WWP1: variants seen among roughly 807,000 people sequenced by gnomAD.
The protein encoded by WWP1 is WW domain containing E3 ubiquitin protein ligase 1.
WWP1 carries 49 observed loss-of-function variants against 130.6 expected under a neutral mutation model. The ratio of observed to expected loss-of-function variants is 0.38; its 90% CI spans 0.30 to 0.48. The LOEUF (loss-of-function observed/expected upper bound fraction) is 0.48. WWP1 is among the 20% of genes least tolerant of loss of function. The probability of loss-of-function intolerance (pLI) is 0.99; values close to 1 mark genes in which losing one functional copy is unlikely to be tolerated. For missense variants in WWP1, 809 were observed against 1,100.6 expected, an observed-to-expected ratio of 0.74 and a Z score of 3.75; for synonymous variants, 332 against 367.8, an observed-to-expected ratio of 0.90 and a Z score of 1.11.
At chr8:86,371,385 A>C (rs377285409) in intron 2 of WWP1, among the ~76,000 whole-genome samples, 7 of 152,348 alleles carry the variant, frequency 4.6e-5, no homozygotes, top group African/African-American at 1.4e-4. Flanking sequence ...AAGGGCATAC[A>C]AATGTTTAGC....
At chr8:86,441,661 A>T (rs1456601187) in intron 17 of WWP1, among the ~76,000 whole-genome samples, 1 of 152,182 alleles carries the variant, frequency 6.6e-6, no homozygotes, top group East Asian at 1.9e-4. Context: ...ACTCTGTTTC[A>T]CTATGGTGTC....
At chr8:86,418,615 T>C (rs527464905) in intron 9 of WWP1, among the ~76,000 whole-genome samples, 22 of 152,286 alleles carry the variant, frequency 1.4e-4, no homozygotes, top group Admixed American at 1.2e-3. Context: ...AAGATGACAC[T>C]GTAAATGGCA....
chr8:86,354,551 C>T (rs1167212270), intron 1 of WWP1, among the ~76,000 whole-genome samples: 1 of 151,932 alleles, frequency 6.6e-6, no homozygotes, highest in Admixed American at 6.6e-5. Context: ...AAAGTTTATC[C>T]TTTATGGCAT....
chr8:86,356,326 T>A (rs1005505450), intron 1 of WWP1, among the ~76,000 whole-genome samples: 1 of 152,104 alleles, frequency 6.6e-6, no homozygotes, highest in African/African-American at 2.4e-5. Flanking sequence ...CAAGTTTTAA[T>A]GTTCTTAGAA....
intron 1 of WWP1, among the ~76,000 whole-genome samples, chr8:86,344,722 C>T (rs1822466155): frequency 6.6e-6 from 1 of 152,098 alleles, no homozygotes; most frequent in South Asian, 2.1e-4. Flanking sequence ...ACGATTATGA[C>T]TTTGGATAGG....
At chr8:86,433,093 T>A (rs1810077918) in intron 14 of WWP1, among the ~76,000 whole-genome samples, 1 of 152,184 alleles carries the variant, frequency 6.6e-6, no homozygotes, top group Non-Finnish European at 1.5e-5. Context: ...CTGATTTGAC[T>A]TACCAGGAAC....
chr8:86,466,425 G>A (rs72690411), intron 24 of WWP1, among the ~76,000 whole-genome samples: 8,255 of 151,810 alleles, frequency 0.054, 316 homozygotes, highest in Non-Finnish European at 0.086. Flanking sequence ...AAAAATTCTC[G>A]GTAAATGACT....
At chr8:86,348,824 A>T (rs1351261652) in intron 1 of WWP1, among the ~76,000 whole-genome samples, 12 of 152,232 alleles carry the variant, frequency 7.9e-5, no homozygotes, top group African/African-American at 2.4e-4. Flanking sequence ...CTGTGTAGCA[A>T]ACAGCCCTAA....
intron 21 of WWP1, 51 bp downstream of exon 21, chr8:86,452,730 C>G: frequency 6.3e-7 from 1 of 1,595,464 alleles, no homozygotes; most frequent in Non-Finnish European, 8.5e-7. Flanking sequence ...GGGGGAGGGA[C>G]TAATTTAGTG....
At chr8:86,375,412 C>A (rs368889565) in intron 3 of WWP1, among the ~76,000 whole-genome samples, 2 of 152,116 alleles carry the variant, frequency 1.3e-5, no homozygotes, top group African/African-American at 4.8e-5. Context: ...TTTCCCACTT[C>A]TCTCCCTTGC....
chr8:86,376,197 G>T (rs769122929), intron 3 of WWP1, among the ~76,000 whole-genome samples: 1 of 152,156 alleles, frequency 6.6e-6, no homozygotes, highest in Non-Finnish European at 1.5e-5. Context: ...TGTAACTTGC[G>T]TAGGACCAAT....
intron 14 of WWP1, 102 bp downstream of exon 14, chr8:86,431,845 G>T: frequency 6.6e-7 from 1 of 1,508,184 alleles, no homozygotes. Context: ...TTACTTTTTG[G>T]TTCAAGAAAA....
chr8:86,375,884 C>CTGTA (rs1563477388), intron 3 of WWP1, among the ~76,000 whole-genome samples: 2 of 152,294 alleles, frequency 1.3e-5, no homozygotes, highest in East Asian at 3.9e-4. Flanking sequence ...TCTACACCAG[C>CTGTA]TATACATGAC....
At chr8:86,376,862 C>T (rs911760674) in intron 3 of WWP1, among the ~76,000 whole-genome samples, 1 of 152,144 alleles carries the variant, frequency 6.6e-6, no homozygotes. Context: ...TTGTCTTTGT[C>T]TTCCGTTTTG....
At chr8:86,391,055 G>A (rs1030938034) in intron 5 of WWP1, among the ~76,000 whole-genome samples, 1 of 151,750 alleles carries the variant, frequency 6.6e-6, no homozygotes, top group African/African-American at 2.4e-5. Context: ...TGTTATTACA[G>A]CCATAAATAA....
intron 8 of WWP1, among the ~76,000 whole-genome samples, chr8:86,408,190 A>T (rs1459084349): frequency 1.3e-5 from 2 of 152,156 alleles, no homozygotes. Flanking sequence ...AGCAAGGTGC[A>T]TTTAAGGTTT....
chr8:86,460,418 A>G (rs1226992962), intron 22 of WWP1, among the ~76,000 whole-genome samples: 1 of 151,712 alleles, frequency 6.6e-6, no homozygotes, highest in Admixed American at 6.6e-5. Flanking sequence ...AATCATTTAA[A>G]CTCTCTAGGC....
chr8:86,461,373 G>T, intron 23 of WWP1, 53 bp downstream of exon 23: 8 of 1,449,280 alleles, frequency 5.5e-6, no homozygotes, highest in South Asian at 3.4e-5. Flanking sequence ...GATAATAATG[G>T]CCTTTGGACA....
rs182116309 is a variant in WWP1 at position 86,345,422 on chromosome 8, C to T, written c.-115+2492C>T. Among the ~76,000 whole-genome samples the T allele has an allele frequency of 1.8e-4, 28 of 152,114 alleles. No homozygotes were observed. The East Asian group carries it at 5.2e-3, about 28-fold the overall frequency. ...AATTTCTTGGAGCTTTTTTTATTTT[C>T]GAGGCAGGATTTCTTTCACTCCTGT... On this transcript the variant is annotated intron_variant, in intron 1 of 24. Transcript: ENST00000517970.
Sources: allele counts gnomAD v4.1 joint callset (sites outside exome capture counted in the v4.1 genomes callset), GRCh38; gene constraint gnomAD v4.1.1; transcripts MANE v1.5; gene names NCBI Gene and HGNC (gene_info 2026-07-23, HGNC 2026-07-21).